Variants in SLC14A2 observed in about 807,000 individuals in gnomAD.
The protein encoded by SLC14A2 is urea transporter 2.
Under a neutral mutation model 104.6 loss-of-function variants are expected in SLC14A2, and 91 were observed. The observed-to-expected ratio is 0.87, with a 90% CI of 0.73 to 1.04. The LOEUF is 1.04. Ranked by LOEUF, SLC14A2 falls within the 50% of genes least tolerant of loss-of-function variation. The pLI, the probability that SLC14A2 is intolerant of heterozygous loss-of-function variation, is 0.00. For synonymous variants in SLC14A2, 476 were observed against 466.4 expected, an observed-to-expected ratio of 1.02 and a Z score of -0.27; for missense variants, 1,189 against 1,156.0, an observed-to-expected ratio of 1.03 and a Z score of -0.41.
intron 1 of SLC14A2, among the ~76,000 whole-genome samples, chr18:45,236,287 A>G (rs183578041): frequency 3.6e-5 from 2 of 55,580 alleles, no homozygotes; most frequent in East Asian, 4.9e-4. Context: ...GTATATGTGT[A>G]TATATACATG....
intron 2 of SLC14A2, among the ~76,000 whole-genome samples, chr18:45,603,594 C>G (rs1003026307): frequency 6.6e-6 from 1 of 152,134 alleles, no homozygotes; most frequent in Non-Finnish European, 1.5e-5. Context: ...TTATAACTAG[C>G]CTTTTCTATT....
intron 1 of SLC14A2, among the ~76,000 whole-genome samples, chr18:45,223,665 C>G (rs1209689562): frequency 6.6e-6 from 1 of 152,210 alleles, no homozygotes; most frequent in African/African-American, 2.4e-5. Flanking sequence ...AGGTAGCACT[C>G]TTTCCCACTG....
intron 16 of SLC14A2, among the ~76,000 whole-genome samples, chr18:45,672,609 C>A (rs943839439): frequency 9.9e-5 from 15 of 152,040 alleles, no homozygotes; most frequent in African/African-American, 2.2e-4. Context: ...ATCAATAGTA[C>A]CCTACCTTGA....
intron 2 of SLC14A2, among the ~76,000 whole-genome samples, chr18:45,567,151 G>A (rs910700994): frequency 2.6e-5 from 4 of 150,948 alleles, no homozygotes; most frequent in Admixed American, 2.0e-4. Flanking sequence ...AGATTGAGGG[G>A]TACCCATTTG....
At chr18:45,175,966 C>A in the SLC14A2 span, among the ~76,000 whole-genome samples, 1 of 152,164 alleles carries the variant, frequency 6.6e-6, no homozygotes, top group Non-Finnish European at 1.5e-5. Context: ...TACGACAATT[C>A]TCTGGCTAAT....
chr18:45,331,366 C>T (rs1245491777), intron 1 of SLC14A2, among the ~76,000 whole-genome samples: 1 of 152,188 alleles, frequency 6.6e-6, no homozygotes, highest in Non-Finnish European at 1.5e-5. Flanking sequence ...AGAAGTAACC[C>T]TCTCTTTTTT....
At chr18:45,215,821 C>G (rs2084005347) in intron 1 of SLC14A2, among the ~76,000 whole-genome samples, 2 of 151,900 alleles carry the variant, frequency 1.3e-5, no homozygotes, top group Admixed American at 6.6e-5. Flanking sequence ...ACAGAATTCT[C>G]TCTGTGATTT....
intron 1 of SLC14A2, among the ~76,000 whole-genome samples, chr18:45,345,357 A>T (rs1052121839): frequency 1.3e-5 from 2 of 152,376 alleles, no homozygotes; most frequent in Admixed American, 1.3e-4. Context: ...CCAGAGAGAC[A>T]GATTTTTTAA....
At chr18:45,380,673 G>C (rs1449556662) in intron 1 of SLC14A2, among the ~76,000 whole-genome samples, 1 of 152,184 alleles carries the variant, frequency 6.6e-6, no homozygotes, top group Admixed American at 6.5e-5. Flanking sequence ...GAAGTTGGCT[G>C]TGCTTTGTCT....
chr18:45,315,805 T>G (rs2085123732), intron 1 of SLC14A2, among the ~76,000 whole-genome samples: 1 of 152,178 alleles, frequency 6.6e-6, no homozygotes, highest in Non-Finnish European at 1.5e-5. Flanking sequence ...TAGCTGGTTT[T>G]CCCTAGAAGG....
intron 1 of SLC14A2, among the ~76,000 whole-genome samples, chr18:45,323,830 A>C (rs916219547): frequency 6.6e-6 from 1 of 152,254 alleles, no homozygotes; most frequent in East Asian, 1.9e-4. Flanking sequence ...AAGACCAAAA[A>C]TGCATCCTGT....
At chr18:45,631,827 C>T (rs1305836817) in intron 4 of SLC14A2, among the ~76,000 whole-genome samples, 1 of 152,130 alleles carries the variant, frequency 6.6e-6, no homozygotes, top group East Asian at 1.9e-4. Flanking sequence ...CACCATGTTG[C>T]CCAGGCTGGT....
intron 1 of SLC14A2, among the ~76,000 whole-genome samples, chr18:45,298,356 C>T (rs1315254182): frequency 6.6e-6 from 1 of 152,162 alleles, no homozygotes; most frequent in Non-Finnish European, 1.5e-5. Flanking sequence ...GGTTTGCTTG[C>T]TTGTTTCCCC....
At chr18:45,633,501 C>T (rs1051095413) in intron 5 of SLC14A2, among the ~76,000 whole-genome samples, 1 of 152,180 alleles carries the variant, frequency 6.6e-6, no homozygotes, top group Admixed American at 6.5e-5. Flanking sequence ...GTGTGCTGGG[C>T]CATTCACACA....
At chr18:45,559,779 G>A (rs546177512) in intron 2 of SLC14A2, among the ~76,000 whole-genome samples, 1 of 152,352 alleles carries the variant, frequency 6.6e-6, no homozygotes, top group Admixed American at 6.5e-5. Flanking sequence ...ACATCCAAGA[G>A]ACTGCTTTGT....
chr18:45,505,075 TA>T (rs1187547654), intron 2 of SLC14A2, among the ~76,000 whole-genome samples: 2 of 151,088 alleles, frequency 1.3e-5, no homozygotes, highest in African/African-American at 4.8e-5. Context: ...AAAATAAAAG[TA>T]AAGTGACTCT....
At chr18:45,608,766 C>T (rs1214424918) in intron 2 of SLC14A2, among the ~76,000 whole-genome samples, 2 of 152,208 alleles carry the variant, frequency 1.3e-5, no homozygotes, top group Non-Finnish European at 2.9e-5. Flanking sequence ...TCAACTAATG[C>T]AACTCTAAGT....
intron 1 of SLC14A2, among the ~76,000 whole-genome samples, chr18:45,241,236 T>C (rs1014583752): frequency 1.4e-4 from 22 of 152,174 alleles, no homozygotes; most frequent in Non-Finnish European, 2.1e-4. Context: ...AGGAACTTTA[T>C]TTGAAGAATC....
intron 1 of SLC14A2, among the ~76,000 whole-genome samples, chr18:45,312,187 A>G (rs1461800404): frequency 6.6e-6 from 1 of 152,204 alleles, no homozygotes; most frequent in Non-Finnish European, 1.5e-5. Context: ...TCACTGGGTG[A>G]TTACACATAC....
Sources: allele counts gnomAD v4.1 joint callset (sites outside exome capture counted in the v4.1 genomes callset), GRCh38; gene constraint gnomAD v4.1.1; transcripts MANE v1.5; gene names NCBI Gene and HGNC (gene_info 2026-07-23, HGNC 2026-07-21).